DOC2B: variants seen among roughly 807,000 people sequenced by gnomAD.
DOC2B encodes double C2 domain beta, also known as double C2-like domain-containing protein beta.
In DOC2B, 21 loss-of-function variants were observed where a neutral mutation model predicts 28.9. The observed-to-expected ratio is 0.73, with a 90% CI of 0.52 to 1.05. The LOEUF (loss-of-function observed/expected upper bound fraction) is 1.05. Among genes scored for constraint, DOC2B ranks in the 50% least tolerant of loss-of-function variants. DOC2B has a pLI of 0.00. For missense variants in DOC2B, 384 were observed against 421.1 expected (o/e 0.91, Z 0.77); for synonymous variants, 194 against 178.1 (o/e 1.09, Z -0.71).
At chr17:155,436 T>G (rs914981295) in intron 6 of DOC2B, among the ~76,000 whole-genome samples, 1 of 152,094 alleles carries the variant, frequency 6.6e-6, no homozygotes, top group Non-Finnish European at 1.5e-5. Context: ...GTCCCCTAGG[T>G]CAGGGCCATC....
intron 6 of DOC2B, among the ~76,000 whole-genome samples, chr17:150,509 T>TA (rs35998167): frequency 0.75 from 113,751 of 152,052 alleles, 43,130 homozygotes; most frequent in East Asian, 0.86. Context: ...TGACACACAG[T>TA]GCCTGCGACA....
chr17:166,521 T>G (rs941562541), intron 2 of DOC2B, among the ~76,000 whole-genome samples: 3 of 152,352 alleles, frequency 2.0e-5, no homozygotes, highest in Non-Finnish European at 2.9e-5. Flanking sequence ...TCATCTGGAG[T>G]TGTACTCCCA....
intron 5 of DOC2B, among the ~76,000 whole-genome samples, chr17:157,635 G>A (rs1397324202): frequency 6.6e-6 from 1 of 152,138 alleles, no homozygotes; most frequent in African/African-American, 2.4e-5. Context: ...GTAGAGACAG[G>A]GTTTTGCCAT....
Position 181,530 on chromosome 17 carries a change from G to A in DOC2B, c.-51C>T. The A allele has an allele frequency of 3.1e-6, 3 of 960,046 alleles. No individual in the cohort carries two copies. The highest frequency in any genetic ancestry group is 3.7e-6 in the Non-Finnish European group (3 of 809,112). The allele number at this position is 960,046 out of a possible 1,614,324, so 59.5% of individuals were successfully genotyped here. On this transcript the variant is annotated 5_prime_UTR_variant, in exon 1 of 9. Coordinates refer to ENST00000613549, the MANE Select transcript of DOC2B (RefSeq NM_003585.5). This position sits in a 1 kb window ranked among gnomAD's most constrained non-coding sequence, Gnocchi z 7.0. Reference sequence around the variant, plus strand: ...CGCGGCCCGGCCCGGCGCGACCCCGGCCCGGGGGCGGCTCAGCAGGCCCGG... The same window carrying A: ...CGCGGCCCGGCCCGGCGCGACCCCGACCCGGGGGCGGCTCAGCAGGCCCGG...
chr17:151,451 C>T (rs974131788), intron 6 of DOC2B, among the ~76,000 whole-genome samples: 8 of 152,146 alleles, frequency 5.3e-5, no homozygotes, highest in Non-Finnish European at 8.8e-5. Flanking sequence ...AAATCCCAAA[C>T]GCGCCAATAA....
chr17:159,438 A>G (rs1555522968), intron 5 of DOC2B, among the ~76,000 whole-genome samples: 1 of 152,224 alleles, frequency 6.6e-6, no homozygotes, highest in African/African-American at 2.4e-5. Flanking sequence ...CACCTGGACA[A>G]TATGGTGAAA....
Position 175,586 on chromosome 17 carries a change from C to T in DOC2B, c.374-2970G>A, listed in dbSNP as rs181266364. Among the ~76,000 whole-genome samples, 249 of 152,380 alleles carry T rather than the reference C, an allele frequency of 1.6e-3. 1 individual carries two copies. The highest frequency in any genetic ancestry group is 5.7e-3 in the African/African-American group (239 of 41,592). ...GCACAGGGACCATGCCTTGGCCACA[C>T]CTGTGAGACCAACAAACAGCAGATG... is the stretch of plus-strand genomic sequence containing the variant. On this transcript the variant is annotated intron_variant, in intron 1 of 8. Coordinates refer to ENST00000613549, the MANE Select transcript of DOC2B (RefSeq NM_003585.5).
Position 173,877 on chromosome 17 carries a change from C to A in DOC2B, c.374-1261G>T, listed in dbSNP as rs140713210. On this transcript the variant is annotated intron_variant, in intron 1 of 8. Coordinates refer to ENST00000613549, the MANE Select transcript of DOC2B (RefSeq NM_003585.5). ...TCAGGCTCTGAGCTAGGCTCCCAAC[C>A]TGGATCTAGATCCAATTACGGCCAC... is the stretch of plus-strand genomic sequence containing the variant. 1.6e-3 allele frequency among the ~76,000 whole-genome samples: 247 copies of A among 152,336 alleles called. 1 individual carries two copies. Among genetic ancestry groups the A allele is most frequent in the African/African-American group, 5.7e-3 (238 of 41,560 alleles).
At chr17:178,769 C>T (rs367936545) in intron 1 of DOC2B, among the ~76,000 whole-genome samples, 6 of 152,248 alleles carry the variant, frequency 3.9e-5, no homozygotes, top group South Asian at 2.1e-4. Flanking sequence ...ACAGAGCAAC[C>T]GCCCTCATTT....
chr17:166,345 G>A (rs766174616), intron 2 of DOC2B, among the ~76,000 whole-genome samples: 4 of 152,284 alleles, frequency 2.6e-5, no homozygotes, highest in Non-Finnish European at 4.4e-5. Context: ...CTCTGTCCAC[G>A]GAAGGGGAAG....
rs2040011993 is a variant in DOC2B at position 145,461 on chromosome 17, G to A, written c.*1980C>T. 1 of 152,404 alleles carries A rather than the reference G, an allele frequency of 6.6e-6. No individual in the cohort carries two copies. The highest frequency in any genetic ancestry group is 2.4e-5 in the African/African-American group (1 of 41,578). 9.4% of individuals were successfully genotyped at this position (152,404 alleles called of 1,614,324 possible). On this transcript the variant is annotated 3_prime_UTR_variant, in exon 9 of 9. Coordinates refer to ENST00000613549, the MANE Select transcript of DOC2B (RefSeq NM_003585.5). ...AATCAAACCCACCTTGCAGGGCTGT[G>A]AACATGCGTTCAGACCAGTGCATGC...
At chr17:164,374 G>A (rs1008028945) in intron 2 of DOC2B, among the ~76,000 whole-genome samples, 170 bp from the exon 3 acceptor site, 1 of 152,124 alleles carries the variant, frequency 6.6e-6, no homozygotes, top group Non-Finnish European at 1.5e-5. Flanking sequence ...ATGGCTCAAC[G>A]CTGATGCAAT....
At position 147,422 on chromosome 17, in the gene DOC2B, T is replaced by TA. The variant is rs1217866550; in HGVS notation, c.*18dup. 1 of 398,664 alleles carries TA rather than the reference T, an allele frequency of 2.5e-6. No homozygotes were observed. The highest frequency in any genetic ancestry group is 2.1e-5 in the African/African-American group (1 of 48,588). The allele number at this position is 398,664 out of a possible 1,614,324, so 24.7% of individuals were successfully genotyped here. A position where few individuals can be genotyped will look rare whatever the true frequency, so the allele number is the denominator to read the frequency against. On this transcript the variant is annotated 3_prime_UTR_variant, in exon 9 of 9. Transcript: ENST00000613549. ...TGCTGGGCGCAGGTGGCGGCAGGGG[T>TA]AGCAGTGGCGGGTGGGCGTCAGTCG...
At chr17:158,971 G>A (rs973937001) in intron 5 of DOC2B, among the ~76,000 whole-genome samples, 2 of 150,932 alleles carry the variant, frequency 1.3e-5, no homozygotes, top group African/African-American at 4.9e-5. Flanking sequence ...TTGAACCCGG[G>A]AGGCGGAGGT....
intron 1 of DOC2B, among the ~76,000 whole-genome samples, chr17:175,934 G>A (rs1481376306): frequency 2.0e-5 from 3 of 152,242 alleles, no homozygotes; most frequent in African/African-American, 7.2e-5. Flanking sequence ...TCACCAGGAA[G>A]GGACTGATGA....
rs2040438650 is a variant in DOC2B, at chr17:181,198, C to T, written c.282G>A (p.Pro94=). Residue 94 remains proline (P), a synonymous_variant, in exon 1 of 9, where the codon CCG becomes CCA. Coordinates refer to ENST00000613549, the MANE Select transcript of DOC2B (RefSeq NM_003585.5). The surrounding 1 kb of genome is among the most constrained non-coding windows in gnomAD (Gnocchi z 7.0). ...CGGGGCTGGGACCCGGGCTGGGGCCCGGGCTGGAGCCGTAGGCTCCGAAGA... is the reference window on the plus strand; with the variant it reads ...CGGGGCTGGGACCCGGGCTGGGGCCTGGGCTGGAGCCGTAGGCTCCGAAGA... ...DQLFGAYGSS[P]GPSPGPSPAR... 1.6e-6 allele frequency: 2 copies of T among 1,232,106 alleles called. No individual in the cohort carries two copies. Among genetic ancestry groups the T allele is most frequent in the African/African-American group, 1.6e-5 (1 of 63,866 alleles). 76.3% of individuals were successfully genotyped at this position (1,232,106 alleles called of 1,614,324 possible). A position where few individuals can be genotyped will look rare whatever the true frequency, so the allele number is the denominator to read the frequency against.
rs2040439674 is a variant in DOC2B at position 181,270 on chromosome 17, G to A, written c.210C>T (p.Arg70=). Residue 70 remains arginine, a synonymous_variant, in exon 1 of 9, where the codon CGC becomes CGT. Coordinates refer to ENST00000613549, the MANE Select transcript of DOC2B (RefSeq NM_003585.5). This position sits in a 1 kb window ranked among gnomAD's most constrained non-coding sequence, Gnocchi z 7.0. ...CCTCGCGGGCGCCGTCGGAGGGGCTGCGGCGGCCGGCACCGGCCACAGCCG... is the reference window on the plus strand; with the variant it reads ...CCTCGCGGGCGCCGTCGGAGGGGCTACGGCGGCCGGCACCGGCCACAGCCG... The part of the protein sequence containing the change: ...ARPAVAGAGR[R]SPSDGAREDD... 8 of 1,205,134 alleles carry A rather than the reference G, an allele frequency of 6.6e-6. No individual in the cohort carries two copies. In the South Asian group the frequency reaches 1.2e-4, roughly 19 times the overall value. 74.7% of individuals were successfully genotyped at this position (1,205,134 alleles called of 1,614,324 possible). A position where few individuals can be genotyped will look rare whatever the true frequency, so the allele number is the denominator to read the frequency against.
rs527303773 is a variant in DOC2B at position 172,683 on chromosome 17, G to A, written c.374-67C>T. The A allele has an allele frequency of 9.0e-6, 12 of 1,337,352 alleles. No individual in the cohort carries two copies. In the South Asian group the frequency reaches 1.6e-4, roughly 18 times the overall value. 82.8% of individuals were successfully genotyped at this position (1,337,352 alleles called of 1,614,324 possible). A position where few individuals can be genotyped will look rare whatever the true frequency, so the allele number is the denominator to read the frequency against. Reference sequence around the variant, plus strand: ...TTGGAGAGGCTTCGCCTGCCCCTGTGAGACCAGATGAGCCTGGCCTGGGCA... The same window carrying A: ...TTGGAGAGGCTTCGCCTGCCCCTGTAAGACCAGATGAGCCTGGCCTGGGCA... On this transcript the variant is annotated intron_variant, in intron 1 of 8. Coordinates refer to ENST00000613549, the MANE Select transcript of DOC2B (RefSeq NM_003585.5).
Position 159,915 on chromosome 17 carries a change from C to T in DOC2B, c.765+1500G>A, listed in dbSNP as rs367665901. Among the ~76,000 whole-genome samples, 8 of 151,920 alleles carry T rather than the reference C, an allele frequency of 5.3e-5. 1 individual carries two copies. In the East Asian group the frequency reaches 1.2e-3, roughly 22 times the overall value. On this transcript the variant is annotated intron_variant, in intron 5 of 8. Transcript: ENST00000613549. ...CACGCTGACACCCCACGTACATACCCACGTGGTTGTTTGTTTATGCCAGTG... is the reference window on the plus strand; with the variant it reads ...CACGCTGACACCCCACGTACATACCTACGTGGTTGTTTGTTTATGCCAGTG...
Sources: gnomAD v4.1 joint callset for allele counts (sites outside exome capture counted in the v4.1 genomes callset) on GRCh38, gnomAD v4.1.1 for gene constraint, Gnocchi (gnomAD v3.1) non-coding constraint, MANE v1.5 for transcripts, NCBI Gene and HGNC (gene_info 2026-07-23, HGNC 2026-07-21) for gene names.